The following SPAG7 variants were observed in gnomAD, a reference collection of about 807,000 sequenced individuals.
The protein encoded by SPAG7 is sperm associated antigen 7.
SPAG7 carries 20 observed loss-of-function variants against 30.6 expected under a neutral mutation model. That is an observed-to-expected ratio of 0.65 (90% CI 0.46 to 0.95). SPAG7 has a LOEUF of 0.95. Among genes scored for constraint, SPAG7 ranks in the 40% least tolerant of loss-of-function variants. The pLI is 0.00. For synonymous variants in SPAG7, 127 were observed against 104.2 expected, an observed-to-expected ratio of 1.22 and a Z score of -1.33; for missense variants, 276 against 291.1, an observed-to-expected ratio of 0.95 and a Z score of 0.38.
In SPAG7 at chr17:4,967,778, C is replaced by G; in HGVS notation, c.27G>C (p.Leu9=). MADLLGSI[L]SSMEKPPSLG... Reference sequence around the variant, plus strand: ...GGCTGGGTGGCTTCTCCATGGAGCTCAGGATGGAGCCCAGTAGGTCCGCCA... The same window carrying G: ...GGCTGGGTGGCTTCTCCATGGAGCTGAGGATGGAGCCCAGTAGGTCCGCCA... The change falls in exon 1 of 7, where the codon CTG becomes CTC. Residue 9 remains leucine (L), a synonymous_variant. Coordinates refer to ENST00000206020, the MANE Select transcript of SPAG7 (RefSeq NM_004890.3). 1 of 1,614,044 alleles carries G rather than the reference C, an allele frequency of 6.2e-7. No individual in the cohort carries two copies. The highest frequency in any genetic ancestry group is 8.5e-7 in the Non-Finnish European group (1 of 1,179,938).
intron 1 of SPAG7, among the ~76,000 whole-genome samples, chr17:4,961,638 G>A (rs1484795607): frequency 1.3e-5 from 2 of 149,470 alleles, no homozygotes; most frequent in East Asian, 2.0e-4. Context: ...GGTGGTGGGC[G>A]CCTGTAGTCC....
At chr17:4,962,008 C>A (rs974398162) in intron 1 of SPAG7, among the ~76,000 whole-genome samples, 52 of 152,304 alleles carry the variant, frequency 3.4e-4, no homozygotes, top group Middle Eastern at 3.4e-3. Flanking sequence ...TATTAAGACA[C>A]AATGTGGCCC....
intron 4 of SPAG7, 60 bp downstream of exon 4, chr17:4,960,174 G>A (rs145833487): frequency 2.2e-5 from 36 of 1,600,318 alleles, no homozygotes; most frequent in African/African-American, 2.1e-4. Flanking sequence ...TTCCTTGGTC[G>A]GGGAGGGGGG....
intron 1 of SPAG7, among the ~76,000 whole-genome samples, chr17:4,962,701 A>G (rs1971882907): frequency 6.6e-6 from 1 of 151,724 alleles, no homozygotes; most frequent in African/African-American, 2.4e-5. Flanking sequence ...GCTGGGTGCA[A>G]TTAGCACCCA....
chr17:4,967,341 G>T, intron 1 of SPAG7: 1 of 540,116 alleles, frequency 1.9e-6, no homozygotes, highest in Non-Finnish European at 2.6e-6. Context: ...AGAGATGAAG[G>T]CACAGTAGAT....
intron 1 of SPAG7, chr17:4,966,351 A>T (rs768413697): frequency 1.3e-5 from 2 of 153,658 alleles, no homozygotes; most frequent in Non-Finnish European, 1.4e-5. Context: ...ATGGTCAAGA[A>T]CATAGGCTTC....
chr17:4,959,335 TCACA>T lies in SPAG7; in HGVS notation c.*195_*198del, dbSNP rs752274033. The T allele has an allele frequency of 5.3e-6, 3 of 564,780 alleles. No homozygotes were observed. The highest frequency in any genetic ancestry group is 1.9e-5 in the African/African-American group (1 of 52,544). The allele number at this position is 564,780 out of a possible 1,614,324, so 35.0% of individuals were successfully genotyped here. A position where few individuals can be genotyped will look rare whatever the true frequency, so the allele number is the denominator to read the frequency against. ...AATACCCACCTGTGCATTCACACTCTCACACACACACACACATGCCACGCACATA... is the reference window on the plus strand; with the variant it reads ...AATACCCACCTGTGCATTCACACTCTCACACACACACATGCCACGCACATA... On this transcript the variant is annotated 3_prime_UTR_variant, in exon 7 of 7. Coordinates refer to ENST00000206020, the MANE Select transcript of SPAG7 (RefSeq NM_004890.3).
chr17:4,959,723 C>G (rs1487514129), intron 6 of SPAG7, 37 bp downstream of exon 6: 1 of 1,614,116 alleles, frequency 6.2e-7, no homozygotes, highest in East Asian at 2.2e-5. Context: ...ATCCTATGCT[C>G]CTCTCCCAGC....
Position 4,959,481 on chromosome 17 carries a change from C to G in SPAG7, c.*53G>C. The G allele has an allele frequency of 5.5e-6, 8 of 1,454,288 alleles. No homozygotes were observed. The South Asian group carries it at 5.7e-5, about 10-fold the overall frequency. The allele number at this position is 1,454,288 out of a possible 1,614,324, so 90.1% of individuals were successfully genotyped here. ...TGGGCTCTAATAGCAGCAGCCTTGT[C>G]TCTCCCTGCCCCCTGCCCTGCCCCA... is the stretch of plus-strand genomic sequence containing the variant. On this transcript the variant is annotated 3_prime_UTR_variant, in exon 7 of 7. Coordinates refer to ENST00000206020, the MANE Select transcript of SPAG7 (RefSeq NM_004890.3).
At chr17:4,963,221 T>C (rs933493835) in intron 1 of SPAG7, among the ~76,000 whole-genome samples, 4 of 152,012 alleles carry the variant, frequency 2.6e-5, no homozygotes, top group Non-Finnish European at 5.9e-5. Context: ...AGTGAGACCC[T>C]GTCTCTATAA....
chr17:4,959,832 T>C lies in SPAG7; in HGVS notation c.502A>G (p.Ser168Gly). The C allele has an allele frequency of 1.2e-6, 2 of 1,614,162 alleles. No homozygotes were observed. The highest frequency in any genetic ancestry group is 1.7e-6 in the Non-Finnish European group (2 of 1,180,030). ...SPASDYKDKYSHLIGKGAAKD... is the reference protein window; with the variant it reads ...SPASDYKDKYGHLIGKGAAKD... ...GCTGCTCCCTTGCCGATGAGGTGGC[T>C]GTACTTGTCCTTGTAGTCGCTGGCA... The change falls in exon 6 of 7, where the codon AGC (serine) becomes GGC (glycine). Residue 168 changes from serine to glycine, a missense_variant. Coordinates refer to ENST00000206020, the MANE Select transcript of SPAG7 (RefSeq NM_004890.3).
chr17:4,960,807 C>T lies in SPAG7; in HGVS notation c.132G>A (p.Gln44=), dbSNP rs764807272. ...LKKLQEQEKQ[Q]KVEFRKRMEK... ...TCACCCTTTTACGAAACTCCACTTT[C>T]TGTTGTTTCTCTTGCTCTTGTAGTT... Residue 44 remains glutamine, a synonymous_variant, in exon 2 of 7, where the codon CAG becomes CAA. Transcript: ENST00000206020. The T allele has an allele frequency of 5.0e-6, 8 of 1,614,084 alleles. No homozygotes were observed. Among genetic ancestry groups the T allele is most frequent in the Admixed American group, 3.3e-5 (2 of 60,006 alleles).
chr17:4,960,934 G>A (rs547437199), intron 1 of SPAG7, 81 bp from the exon 2 acceptor site: 9 of 1,226,578 alleles, frequency 7.3e-6, no homozygotes, highest in Middle Eastern at 2.0e-4. Flanking sequence ...GTGAAGTGTG[G>A]TGTCCACTGG....
chr17:4,964,012 G>C (rs1971906410), intron 1 of SPAG7, among the ~76,000 whole-genome samples: 1 of 152,052 alleles, frequency 6.6e-6, no homozygotes. Flanking sequence ...TCTGGGTGCA[G>C]AGACTCAAGC....
rs535158598 is a variant in SPAG7, at chr17:4,964,431, C to T, written c.85+3289G>A. ...GGCTGGAGTGCAGTGGCGCAATCTCCGCTCACTGCAAGCTCCGCCTCCCGG... is the reference window on the plus strand; with the variant it reads ...GGCTGGAGTGCAGTGGCGCAATCTCTGCTCACTGCAAGCTCCGCCTCCCGG... On this transcript the variant is annotated intron_variant, in intron 1 of 6. Transcript: ENST00000206020. 1.0e-4 allele frequency among the ~76,000 whole-genome samples: 15 copies of T among 148,660 alleles called. No individual in the cohort carries two copies. The South Asian group carries it at 1.7e-3, about 17-fold the overall frequency.
intron 1 of SPAG7, among the ~76,000 whole-genome samples, chr17:4,961,764 C>CAAAAA (rs762833514): frequency 1.7e-5 from 1 of 57,598 alleles, no homozygotes; most frequent in African/African-American, 6.6e-5. Flanking sequence ...GACTCCATCT[C>CAAAAA]AAAAAAAAAA....
At chr17:4,967,577 C>T in intron 1 of SPAG7, 143 bp downstream of exon 1, 2 of 685,596 alleles carry the variant, frequency 2.9e-6, no homozygotes, top group Non-Finnish European at 2.6e-6. Flanking sequence ...GGCGTGTCAG[C>T]AGCCCTTTTA....
At position 4,967,622 on chromosome 17, in the gene SPAG7, G is replaced by T. The variant is rs540631988; in HGVS notation, c.85+98C>A. On this transcript the variant is annotated intron_variant, in intron 1 of 6. Coordinates refer to ENST00000206020, the MANE Select transcript of SPAG7 (RefSeq NM_004890.3). ...AGGGTCTCGGAAGGGGCCTGTGAGG[G>T]GTCTTTCAAGGTTGAGGAGGCGGCA... is the stretch of plus-strand genomic sequence containing the variant. 10 of 899,326 alleles carry T rather than the reference G, an allele frequency of 1.1e-5. No homozygotes were observed. The South Asian group carries it at 1.3e-4, about 11-fold the overall frequency. 55.7% of individuals were successfully genotyped at this position (899,326 alleles called of 1,614,324 possible). A position where few individuals can be genotyped will look rare whatever the true frequency, so the allele number is the denominator to read the frequency against.
chr17:4,967,086 C>G (rs1567678043), intron 1 of SPAG7: 2 of 985,490 alleles, frequency 2.0e-6, no homozygotes, highest in Admixed American at 1.2e-4. Context: ...AGTGGCCAAT[C>G]GGACCCGGCG....
Sources: gnomAD v4.1 joint callset for allele counts (sites outside exome capture counted in the v4.1 genomes callset) on GRCh38, gnomAD v4.1.1 for gene constraint, MANE v1.5 for transcripts, NCBI Gene and HGNC (gene_info 2026-07-23, HGNC 2026-07-21) for gene names.